CTNNAL1: variants seen among roughly 807,000 people sequenced by gnomAD.
CTNNAL1 encodes the protein catenin alpha like 1, also known as alpha-catulin.
A neutral mutation model predicts 93.6 loss-of-function variants in CTNNAL1; 69 were observed. That is an observed-to-expected ratio of 0.74 (90% confidence interval 0.61 to 0.90). The LOEUF (loss-of-function observed/expected upper bound fraction) is 0.90, where lower values mean the gene tolerates loss of function less well. Ranked by LOEUF, CTNNAL1 falls within the 40% of genes least tolerant of loss-of-function variation. The probability of loss-of-function intolerance (pLI) is 0.00; values close to 1 mark genes in which losing one functional copy is unlikely to be tolerated. For synonymous variants in CTNNAL1, 286 were observed against 305.4 expected (o/e 0.94, Z 0.66); for missense variants, 836 against 862.0 (o/e 0.97, Z 0.38).
At chr9:109,013,266 G>C in intron 1 of CTNNAL1, 36 bp downstream of exon 1, 2 of 1,432,668 alleles carry the variant, frequency 1.4e-6, no homozygotes, top group Non-Finnish European at 1.8e-6. Flanking sequence ...GCCGCGGCGG[G>C]AAGGAGAAGA....
At chr9:109,001,460 G>A (rs1826826080) in intron 1 of CTNNAL1, among the ~76,000 whole-genome samples, 2 of 152,144 alleles carry the variant, frequency 1.3e-5, no homozygotes, top group Non-Finnish European at 2.9e-5. Context: ...ACTGGACTTG[G>A]TGACTCACTT....
chr9:108,942,811 C>A lies in CTNNAL1; in HGVS notation c.2163G>T (p.Trp721Cys). Residue 721 changes from tryptophan (W) to cysteine (C), a missense_variant, in exon 19 of 19, where the codon TGG (tryptophan) becomes TGT (cysteine). By Grantham distance (215) the Trp-to-Cys change is radical. Coordinates refer to ENST00000325551, the MANE Select transcript of CTNNAL1 (RefSeq NM_003798.4). The part of the protein sequence containing the change: ...LKKLQMENNG[W>C]VSVTNKDTMD... ...TAGTGTCCTTATTTGTAACTGAGAC[C>A]CATCCGTTATTTTCCATCTGAAGCT... is the stretch of plus-strand genomic sequence containing the variant. 6.2e-7 allele frequency: 1 copy of A among 1,613,490 alleles called. No individual in the cohort carries two copies. The highest frequency in any genetic ancestry group is 8.5e-7 in the Non-Finnish European group (1 of 1,179,752).
chr9:108,992,142 A>G (rs564600139), intron 3 of CTNNAL1: 329 of 701,020 alleles, frequency 4.7e-4, no homozygotes, highest in Non-Finnish European at 7.8e-4. Context: ...ATACATTATC[A>G]TAGTGCTCAC....
intron 1 of CTNNAL1, among the ~76,000 whole-genome samples, chr9:109,000,048 G>C (rs1223806226): frequency 6.6e-6 from 1 of 152,214 alleles, no homozygotes; most frequent in Admixed American, 6.5e-5. Context: ...AGAATTACAA[G>C]AAGGGGAAGA....
chr9:108,999,013 T>C (rs779849689), intron 2 of CTNNAL1, 54 bp downstream of exon 2: 58 of 1,515,014 alleles, frequency 3.8e-5, no homozygotes, highest in Non-Finnish European at 4.8e-5. Context: ...TTTTTCATCA[T>C]AACCAAAGCA....
chr9:108,945,262 A>G (rs1169099801), intron 15 of CTNNAL1, among the ~76,000 whole-genome samples: 3 of 152,198 alleles, frequency 2.0e-5, no homozygotes, highest in African/African-American at 7.2e-5. Context: ...CTTAAATAAA[A>G]CAGTGTAGTA....
Position 108,979,327 on chromosome 9 carries a change from T to C in CTNNAL1, c.1055A>G (p.Gln352Arg), listed in dbSNP as rs147664182. 1.1e-5 allele frequency: 17 copies of C among 1,614,180 alleles called. No homozygotes were observed. The African/African-American group carries it at 1.6e-4, about 15-fold the overall frequency. Residue 352 changes from glutamine (Q) to arginine (R), a missense_variant, in exon 7 of 19, where the codon CAG (glutamine) becomes CGG (arginine). Coordinates refer to ENST00000325551, the MANE Select transcript of CTNNAL1 (RefSeq NM_003798.4). The stretch of plus-strand genomic sequence containing the variant: ...TAACTGCTGCAGTTCCATTCTCGCC[T>C]GAGTTGACAGTTCCAAGATGCGTTC... ...HRERILELST[Q>R]ARMELQQLIS...
rs1351321778 is a variant in CTNNAL1 at position 108,948,254 on chromosome 9, T to C, written c.1836-20A>G. The C allele has an allele frequency of 4.4e-6, 7 of 1,604,746 alleles. No homozygotes were observed. The highest frequency in any genetic ancestry group is 1.3e-5 in the African/African-American group (1 of 74,506). Reference sequence around the variant, plus strand: ...TCTCCTCTAAAATAAAATTAATTGTTAAGAAGGTAACAAAAAGTTATTACC... The same window carrying C: ...TCTCCTCTAAAATAAAATTAATTGTCAAGAAGGTAACAAAAAGTTATTACC... On this transcript the variant is annotated intron_variant, in intron 14 of 18. Coordinates refer to ENST00000325551, the MANE Select transcript of CTNNAL1 (RefSeq NM_003798.4).
At chr9:108,945,089 G>A (rs1217206722) in intron 15 of CTNNAL1, among the ~76,000 whole-genome samples, 3 of 152,166 alleles carry the variant, frequency 2.0e-5, no homozygotes, top group Non-Finnish European at 4.4e-5. Context: ...GTCTCATACA[G>A]TATGATGGTT....
In CTNNAL1 at chr9:108,942,842, GA is replaced by G. The variant is rs1564117107; in HGVS notation, c.2140-9del. ...GTTATTTTCCATCTGAAGCTGGAAA[GA>G]GTTAAGACAATTAGTATCTGGTTTC... On this transcript the variant is annotated splice_polypyrimidine_tract_variant and intron_variant, in intron 18 of 18. Transcript: ENST00000325551. The G allele has an allele frequency of 2.5e-6, 4 of 1,613,428 alleles. No individual in the cohort carries two copies. Among genetic ancestry groups the G allele is most frequent in the Middle Eastern group, 1.7e-4 (1 of 6,058 alleles).
intron 14 of CTNNAL1, chr9:108,950,598 C>G: frequency 6.5e-7 from 1 of 1,549,798 alleles, no homozygotes; most frequent in Admixed American, 2.0e-5. Flanking sequence ...TCTTAATCCT[C>G]CTTCTATAGG....
chr9:108,992,858 A>G (rs751606536), intron 2 of CTNNAL1, 39 bp from the exon 3 acceptor site: 11 of 1,564,486 alleles, frequency 7.0e-6, no homozygotes, highest in Middle Eastern at 1.7e-4. Flanking sequence ...AAACAGGCAT[A>G]CAAATTAAAA....
chr9:108,943,462 G>T (rs1031113730), intron 17 of CTNNAL1, among the ~76,000 whole-genome samples: 1 of 152,306 alleles, frequency 6.6e-6, no homozygotes, highest in Admixed American at 6.5e-5. Flanking sequence ...AATGACTTCA[G>T]AATTGAAGGG....
Position 108,950,627 on chromosome 9 carries a change from C to T in CTNNAL1, c.1835+1582G>A, listed in dbSNP as rs115474920. ...CTATAGGAAGGAATCTTCACGAGCA[C>T]AGGATCCCTCACTTCTGTCTGCTGC... On this transcript the variant is annotated intron_variant, in intron 14 of 18. Coordinates refer to ENST00000325551, the MANE Select transcript of CTNNAL1 (RefSeq NM_003798.4). The T allele has an allele frequency of 5.8e-3, 9,000 of 1,547,796 alleles. 505 individuals are homozygous for T. In the African/African-American group the frequency reaches 0.11, roughly 19 times the overall value.
chr9:109,000,637 T>C (rs1031402300), intron 1 of CTNNAL1, among the ~76,000 whole-genome samples: 7 of 147,104 alleles, frequency 4.8e-5, no homozygotes, highest in Non-Finnish European at 5.9e-5. Context: ...ATCTAAATGA[T>C]AGCAAAGCAG....
intron 2 of CTNNAL1, among the ~76,000 whole-genome samples, chr9:108,994,764 T>A (rs940067711): frequency 6.6e-6 from 1 of 152,106 alleles, no homozygotes; most frequent in Non-Finnish European, 1.5e-5. Context: ...GTGGAAGTGG[T>A]GGTATGTCAC....
intron 11 of CTNNAL1, among the ~76,000 whole-genome samples, chr9:108,962,085 C>A (rs1830833308): frequency 6.6e-6 from 1 of 152,134 alleles, no homozygotes; most frequent in Admixed American, 6.6e-5. Flanking sequence ...ATCATTCAAA[C>A]CTCAGTAAGG....
At chr9:108,947,308 T>C (rs1830436706) in intron 15 of CTNNAL1, among the ~76,000 whole-genome samples, 1 of 152,086 alleles carries the variant, frequency 6.6e-6, no homozygotes, top group South Asian at 2.1e-4. Flanking sequence ...GGAGACAGGG[T>C]TCCACCGTGT....
intron 12 of CTNNAL1, among the ~76,000 whole-genome samples, chr9:108,953,816 A>G (rs12000172): frequency 0.032 from 4,751 of 148,092 alleles, 261 homozygotes; most frequent in African/African-American, 0.11. Context: ...ACACACATGC[A>G]CACACACAGA....
Sources: allele counts gnomAD v4.1 joint callset (sites outside exome capture counted in the v4.1 genomes callset), GRCh38; gene constraint gnomAD v4.1.1; transcripts MANE v1.5; gene names NCBI Gene and HGNC (gene_info 2026-07-23, HGNC 2026-07-21).